Variants in SCEL observed in about 807,000 individuals in gnomAD.
The protein encoded by SCEL is sciellin.
A neutral mutation model predicts 117.6 loss-of-function variants in SCEL; 113 were observed. The ratio of observed to expected loss-of-function variants is 0.96; its 90% CI spans 0.83 to 1.12. The LOEUF (loss-of-function observed/expected upper bound fraction) is 1.12. Among genes scored for constraint, SCEL ranks in the 50% most tolerant of loss-of-function variants. The pLI is 0.00. For synonymous variants in SCEL, 270 were observed against 256.2 expected (o/e 1.05, Z -0.51); for missense variants, 785 against 810.8 (o/e 0.97, Z 0.39).
intron 1 of SCEL, among the ~76,000 whole-genome samples, chr13:77,543,177 G>A (rs2083808338): frequency 7.1e-6 from 1 of 140,236 alleles, no homozygotes; most frequent in African/African-American, 2.7e-5. Flanking sequence ...TCCGCCTCCC[G>A]GGTTCACGCC....
chr13:77,562,006 A>G (rs1043220692), intron 4 of SCEL, among the ~76,000 whole-genome samples: 3 of 152,194 alleles, frequency 2.0e-5, no homozygotes, highest in African/African-American at 7.2e-5. Context: ...CATATTATCC[A>G]CAATTGGAAA....
chr13:77,594,778 AT>A (rs1456588682), intron 12 of SCEL, among the ~76,000 whole-genome samples: 1 of 152,222 alleles, frequency 6.6e-6, no homozygotes, highest in African/African-American at 2.4e-5. Flanking sequence ...GCTCTCAAAA[AT>A]ATTCCTTGTT....
At chr13:77,630,224 G>A (rs892283708) in intron 28 of SCEL, among the ~76,000 whole-genome samples, 5 of 151,980 alleles carry the variant, frequency 3.3e-5, no homozygotes, top group Non-Finnish European at 5.9e-5. Flanking sequence ...TCATTTTGGG[G>A]TACTTTTTCT....
chr13:77,545,339 G>T (rs1437480330), intron 1 of SCEL, among the ~76,000 whole-genome samples: 1 of 152,110 alleles, frequency 6.6e-6, no homozygotes, highest in East Asian at 1.9e-4. Flanking sequence ...TGAAGCTCAG[G>T]ATAACCTCAG....
chr13:77,613,319 CTT>C (rs1332293196), intron 23 of SCEL, among the ~76,000 whole-genome samples: 1 of 152,074 alleles, frequency 6.6e-6, no homozygotes, highest in Non-Finnish European at 1.5e-5. Context: ...ATTTAAATGA[CTT>C]GTGAAAAAAC....
intron 1 of SCEL, 66 bp from the exon 2 acceptor site, chr13:77,555,791 G>A: frequency 9.6e-7 from 1 of 1,047,092 alleles, no homozygotes; most frequent in Non-Finnish European, 1.5e-6. Context: ...TCTCAGTCAT[G>A]AAACAGTCAC....
Position 77,617,992 on chromosome 13 carries a change from T to A in SCEL, c.1572-12T>A, listed in dbSNP as rs1248785556. 3 of 1,613,070 alleles carry A rather than the reference T, an allele frequency of 1.9e-6. No individual in the cohort carries two copies. Among genetic ancestry groups the A allele is most frequent in the Non-Finnish European group, 1.7e-6 (2 of 1,179,122 alleles). On this transcript the variant is annotated splice_polypyrimidine_tract_variant and intron_variant, in intron 26 of 32. Transcript: ENST00000349847. ...ACCAATCTGAACTTTTTTCTCTCTC[T>A]CTTTTAAACAGCCAAGACTTGGACA...
At chr13:77,581,630 A>T (rs1294378610) in intron 9 of SCEL, among the ~76,000 whole-genome samples, 1 of 152,194 alleles carries the variant, frequency 6.6e-6, no homozygotes, top group Non-Finnish European at 1.5e-5. Flanking sequence ...GAATCAGGAT[A>T]CCTAGGGTCA....
At chr13:77,554,238 G>A (rs976238539) in intron 1 of SCEL, among the ~76,000 whole-genome samples, 2 of 152,132 alleles carry the variant, frequency 1.3e-5, no homozygotes, top group Admixed American at 6.5e-5. Context: ...TTGAGGCAAG[G>A]GACTGACCTT....
intron 1 of SCEL, among the ~76,000 whole-genome samples, chr13:77,539,756 G>C (rs1272832151): frequency 6.6e-6 from 1 of 151,986 alleles, no homozygotes; most frequent in Non-Finnish European, 1.5e-5. Flanking sequence ...GGATGGTCTC[G>C]ATCTCCTGAT....
rs374494103 is a variant in SCEL at position 77,613,834 on chromosome 13, T to TCAAAA, written c.1389-53_1389-49dup. ...GATTCTATTGAATGACTTGCACCTG[T>TCAAAA]CAAAACAAAAAAGAAATGCCAGTAT... On this transcript the variant is annotated intron_variant, in intron 23 of 32. Transcript: ENST00000349847. 2.8e-4 allele frequency: 397 copies of TCAAAA among 1,395,158 alleles called. 4 individuals carry two copies. The East Asian group carries it at 6.0e-3, about 21-fold the overall frequency. 86.4% of individuals were successfully genotyped at this position (1,395,158 alleles called of 1,614,324 possible).
At chr13:77,614,160 GC>G (rs753133691) in intron 24 of SCEL, among the ~76,000 whole-genome samples, 38 of 152,138 alleles carry the variant, frequency 2.5e-4, no homozygotes, top group Non-Finnish European at 4.1e-4. Flanking sequence ...TCTTCTCTAA[GC>G]CTCCAGTAAA....
At position 77,634,419 on chromosome 13, in the gene SCEL, GT is replaced by G; in HGVS notation, c.1734del (p.Val579CysfsTer52). On this transcript the variant is annotated frameshift_variant, in exon 29 of 33. Transcript: ENST00000349847. LOFTEE classifies it high-confidence loss of function. ...GAKQAGPQDT[V>X]VYTRTYVENS... ...CAAGCAGGCAGGACCACAGGATACT[GT>G]TGTGTACACAAGGACATATGTGGAG... 1 of 1,613,342 alleles carries G rather than the reference GT, an allele frequency of 6.2e-7. No homozygotes were observed. Among genetic ancestry groups the G allele is most frequent in the Non-Finnish European group, 8.5e-7 (1 of 1,179,486 alleles).
At chr13:77,644,131 C>G in intron 32 of SCEL, 127 bp from the exon 33 acceptor site, 1 of 989,878 alleles carries the variant, frequency 1.0e-6, no homozygotes, top group Non-Finnish European at 1.6e-6. Flanking sequence ...GCGATTATTT[C>G]AGAAGTGGAA....
At chr13:77,606,066 A>C (rs887985612) in intron 19 of SCEL, among the ~76,000 whole-genome samples, 3 of 152,172 alleles carry the variant, frequency 2.0e-5, no homozygotes, top group African/African-American at 7.2e-5. Flanking sequence ...GCCTATGCTT[A>C]TGTGTGTATG....
chr13:77,637,262 AT>A, intron 30 of SCEL, 68 bp downstream of exon 30: 1 of 440,200 alleles, frequency 2.3e-6, no homozygotes. Flanking sequence ...ATATATATAT[AT>A]ATATACACAC....
Position 77,556,750 on chromosome 13 carries a change from G to A in SCEL, c.161+37G>A, listed in dbSNP as rs1318463833. 3 of 1,312,874 alleles carry A rather than the reference G, an allele frequency of 2.3e-6. No homozygotes were observed. The Admixed American group carries it at 5.1e-5, about 22-fold the overall frequency. The allele number at this position is 1,312,874 out of a possible 1,614,324, so 81.3% of individuals were successfully genotyped here. On this transcript the variant is annotated intron_variant, in intron 3 of 32. Transcript: ENST00000349847. ...TGGAGCGTGGTGGGTGGACAGAAGGGCAGAGAGAGGCATTATCTGTTTGGG... is the reference window on the plus strand; with the variant it reads ...TGGAGCGTGGTGGGTGGACAGAAGGACAGAGAGAGGCATTATCTGTTTGGG...
intron 13 of SCEL, among the ~76,000 whole-genome samples, chr13:77,598,644 G>A (rs1567399220): frequency 6.6e-6 from 1 of 152,176 alleles, no homozygotes; most frequent in Non-Finnish European, 1.5e-5. Flanking sequence ...GGACAGCAGG[G>A]CATTCTCAGG....
At chr13:77,560,673 C>G (rs1039916305) in intron 4 of SCEL, among the ~76,000 whole-genome samples, 1 of 152,158 alleles carries the variant, frequency 6.6e-6, no homozygotes, top group African/African-American at 2.4e-5. Flanking sequence ...CACAATGATA[C>G]AAATAATCTC....
Sources: allele counts gnomAD v4.1 joint callset (sites outside exome capture counted in the v4.1 genomes callset), GRCh38; gene constraint gnomAD v4.1.1; transcripts MANE v1.5; gene names NCBI Gene and HGNC (gene_info 2026-07-23, HGNC 2026-07-21).